ACTR2: variants seen among roughly 807,000 people sequenced by gnomAD.
ACTR2 encodes the protein actin-related protein 2.
ACTR2 carries 5 observed loss-of-function variants against 50.2 expected under a neutral mutation model. The ratio of observed to expected loss-of-function variants is 0.10; its 90% CI spans 0.05 to 0.21. The LOEUF is 0.21. ACTR2 is among the 10% of genes least tolerant of loss of function. The pLI is 1.00. For synonymous variants in ACTR2, 140 were observed against 162.9 expected (o/e 0.86, Z 1.07); for missense variants, 180 against 480.6 (o/e 0.37, Z 5.85).
At chr2:65,255,413 A>T in intron 5 of ACTR2, 132 bp from the exon 6 acceptor site, 1 of 695,142 alleles carries the variant, frequency 1.4e-6, no homozygotes, top group Non-Finnish European at 2.3e-6. Flanking sequence ...TGCTTCTGAA[A>T]TAGTAGGAGC....
chr2:65,264,872 G>C (rs537605259), intron 7 of ACTR2, among the ~76,000 whole-genome samples, 171 bp from the exon 8 acceptor site: 2 of 152,160 alleles, frequency 1.3e-5, no homozygotes, highest in African/African-American at 4.8e-5. Flanking sequence ...TATGTAAAGA[G>C]GGGTCGTTAC....
chr2:65,233,992 C>T (rs1671686697), intron 1 of ACTR2, among the ~76,000 whole-genome samples: 1 of 151,982 alleles, frequency 6.6e-6, no homozygotes, highest in Non-Finnish European at 1.5e-5. Flanking sequence ...TCAACGTAGC[C>T]TCAACCTCCC....
chr2:65,258,145 T>A (rs759045039), intron 6 of ACTR2, among the ~76,000 whole-genome samples: 1 of 152,200 alleles, frequency 6.6e-6, no homozygotes, highest in Non-Finnish European at 1.5e-5. Flanking sequence ...TCTCTAGTTG[T>A]CTGATTTTCC....
Position 65,263,418 on chromosome 2 carries a change from A to G in ACTR2, c.882-1625A>G, listed in dbSNP as rs570567840. On this transcript the variant is annotated intron_variant, in intron 7 of 8. Coordinates refer to ENST00000260641, the MANE Select transcript of ACTR2 (RefSeq NM_005722.4). ...GTCATATAAAAAGATTTATAGTCTT[A>G]TTACATCTAGAGCTTGAGTCATAGT... 3.3e-4 allele frequency among the ~76,000 whole-genome samples: 51 copies of G among 152,252 alleles called. 1 individual carries two copies. In the South Asian group the frequency reaches 0.01, roughly 30 times the overall value.
At chr2:65,264,988 A>T (rs1221580982) in intron 7 of ACTR2, 55 bp from the exon 8 acceptor site, 5 of 1,602,166 alleles carry the variant, frequency 3.1e-6, no homozygotes, top group Non-Finnish European at 4.3e-6. Context: ...AGTAACCCTG[A>T]GATACCATTT....
At chr2:65,232,426 T>C (rs1021354598) in intron 1 of ACTR2, among the ~76,000 whole-genome samples, 3 of 152,246 alleles carry the variant, frequency 2.0e-5, no homozygotes, top group East Asian at 1.9e-4. Context: ...TATGCTACTT[T>C]ATATGTTGAA....
rs77338263 is a variant in ACTR2 at position 65,239,306 on chromosome 2, T to C, written c.49-546T>C. ...CCCGTCTCTACTAAAAATACAAAAT[T>C]AGCTGGGCTTAGTGGCGCATGCCTG... On this transcript the variant is annotated intron_variant, in intron 1 of 8. Coordinates refer to ENST00000260641, the MANE Select transcript of ACTR2 (RefSeq NM_005722.4). 1.4e-3 allele frequency among the ~76,000 whole-genome samples: 213 copies of C among 152,196 alleles called. 3 individuals carry two copies. The highest frequency in any genetic ancestry group is 0.011 in the Admixed American group (172 of 15,296).
At chr2:65,266,015 TACTTC>T (rs1672366598) in intron 8 of ACTR2, among the ~76,000 whole-genome samples, 1 of 152,234 alleles carries the variant, frequency 6.6e-6, no homozygotes, top group Admixed American at 6.5e-5. Flanking sequence ...ACTGTCTAAG[TACTTC>T]ACTTATTTTT....
At chr2:65,258,340 C>T (rs995122914) in intron 6 of ACTR2, among the ~76,000 whole-genome samples, 11 of 152,060 alleles carry the variant, frequency 7.2e-5, no homozygotes, top group African/African-American at 2.4e-4. Context: ...CTTTGGGAGG[C>T]TGAGATACGA....
intron 1 of ACTR2, among the ~76,000 whole-genome samples, chr2:65,238,679 ATAGC>A (rs370894015): frequency 9.3e-4 from 135 of 145,694 alleles, no homozygotes; most frequent in African/African-American, 3.0e-3. Context: ...AAAAAAGTAA[ATAGC>A]TAGCCAGGCG....
At chr2:65,261,590 T>C (rs1165195772) in intron 7 of ACTR2, among the ~76,000 whole-genome samples, 198 bp downstream of exon 7, 1 of 152,224 alleles carries the variant, frequency 6.6e-6, no homozygotes, top group Non-Finnish European at 1.5e-5. Flanking sequence ...ATTTACCATT[T>C]TACTAATTCT....
Position 65,268,909 on chromosome 2 carries a change from G to A in ACTR2, c.*175G>A. On this transcript the variant is annotated 3_prime_UTR_variant, in exon 9 of 9. Coordinates refer to ENST00000260641, the MANE Select transcript of ACTR2 (RefSeq NM_005722.4). ...CTTTGTTAAATTTTTGTTAATGTGG[G>A]TAAATCTGAGTTTAATTCAACTGCT... The A allele has an allele frequency of 1.6e-6, 1 of 612,686 alleles. No homozygotes were observed. 38.0% of individuals were successfully genotyped at this position (612,686 alleles called of 1,614,324 possible).
intron 8 of ACTR2, among the ~76,000 whole-genome samples, chr2:65,268,108 A>T (rs1225189841): frequency 6.6e-6 from 1 of 151,916 alleles, no homozygotes; most frequent in Non-Finnish European, 1.5e-5. Flanking sequence ...AAGTGCTGGG[A>T]TTACACTTGA....
At chr2:65,264,180 GT>G (rs1216000560) in intron 7 of ACTR2, among the ~76,000 whole-genome samples, 3 of 152,172 alleles carry the variant, frequency 2.0e-5, no homozygotes, top group Non-Finnish European at 4.4e-5. Flanking sequence ...CTCAAATTTT[GT>G]TTTGTGTGTT....
At chr2:65,264,957 C>T (rs1672344487) in intron 7 of ACTR2, 86 bp from the exon 8 acceptor site, 1 of 1,488,848 alleles carries the variant, frequency 6.7e-7, no homozygotes, top group Non-Finnish European at 9.3e-7. Context: ...TCCCAGCAAC[C>T]CCGAGGCTGA....
chr2:65,236,703 C>T (rs555566969), intron 1 of ACTR2, among the ~76,000 whole-genome samples: 1 of 152,212 alleles, frequency 6.6e-6, no homozygotes, highest in South Asian at 2.1e-4. Flanking sequence ...ACCTCAGCCT[C>T]CCAAGTAACT....
At chr2:65,242,756 T>C in intron 2 of ACTR2, 1 of 382,672 alleles carries the variant, frequency 2.6e-6, no homozygotes, top group Admixed American at 3.3e-5. Flanking sequence ...AACTCTTCAT[T>C]GTATTTTTCT....
intron 1 of ACTR2, among the ~76,000 whole-genome samples, chr2:65,231,806 T>C (rs549001964): frequency 3.3e-5 from 5 of 152,258 alleles, no homozygotes. Flanking sequence ...GGAAGAGGAA[T>C]TGTCTTGGGC....
intron 7 of ACTR2, among the ~76,000 whole-genome samples, chr2:65,262,043 G>C (rs1672278457): frequency 1.3e-5 from 2 of 152,058 alleles, no homozygotes; most frequent in African/African-American, 4.8e-5. Context: ...TGTCTATTCA[G>C]GTCCTTTGCC....
Sources: allele counts gnomAD v4.1 joint callset (sites outside exome capture counted in the v4.1 genomes callset), GRCh38; gene constraint gnomAD v4.1.1; transcripts MANE v1.5; gene names NCBI Gene and HGNC (gene_info 2026-07-23, HGNC 2026-07-21).